The following VWC2L variants were observed in gnomAD, a reference collection of about 807,000 sequenced individuals.
VWC2L encodes von Willebrand factor C domain-containing protein 2-like.
In VWC2L, 10 loss-of-function variants were observed where a neutral mutation model predicts 21.6. That is an observed-to-expected ratio of 0.46 (90% CI 0.29 to 0.78). The LOEUF (loss-of-function observed/expected upper bound fraction) is 0.78. Ranked by LOEUF, VWC2L falls within the 30% of genes least tolerant of loss-of-function variation. The pLI, the probability that VWC2L is intolerant of heterozygous loss-of-function variation, is 0.10. For synonymous variants in VWC2L, 96 were observed against 94.3 expected (o/e 1.02, Z -0.10); for missense variants, 209 against 277.1 (o/e 0.75, Z 1.74).
chr2:214,560,885 A>T lies in VWC2L; in HGVS notation c.521-14787A>T, dbSNP rs554727219. Among the ~76,000 whole-genome samples, 5 of 152,352 alleles carry T rather than the reference A, an allele frequency of 3.3e-5. No individual in the cohort carries two copies. The East Asian group carries it at 9.6e-4, about 29-fold the overall frequency. On this transcript the variant is annotated intron_variant, in intron 3 of 3. Transcript: ENST00000312504. ...AGACTTGCAAGTAATTGAACCATTT[A>T]ACCACCATGTACTTGCTCAGAATTT... is the stretch of plus-strand genomic sequence containing the variant.
At chr2:214,425,250 T>A (rs1702504178) in intron 2 of VWC2L, among the ~76,000 whole-genome samples, 1 of 152,244 alleles carries the variant, frequency 6.6e-6, no homozygotes, top group African/African-American at 2.4e-5. Context: ...CTTGCACTCT[T>A]GAAGGTTACA....
chr2:214,535,759 G>T (rs2105918293), intron 3 of VWC2L, among the ~76,000 whole-genome samples: 1 of 151,184 alleles, frequency 6.6e-6, no homozygotes, highest in Non-Finnish European at 1.5e-5. Flanking sequence ...AAGTCAACAG[G>T]ATCATGATAG....
chr2:214,449,025 A>G (rs1389393554), intron 3 of VWC2L, among the ~76,000 whole-genome samples: 2 of 152,120 alleles, frequency 1.3e-5, no homozygotes, highest in Non-Finnish European at 2.9e-5. Flanking sequence ...TCTTCCCCAC[A>G]TTCCAACTAA....
At chr2:214,568,555 G>A (rs145989515) in intron 3 of VWC2L, among the ~76,000 whole-genome samples, 91 of 152,308 alleles carry the variant, frequency 6.0e-4, no homozygotes, top group South Asian at 3.1e-3. Context: ...GAGGAGCAAA[G>A]TCACATTTTA....
chr2:214,482,422 T>G (rs1688615394), intron 3 of VWC2L, among the ~76,000 whole-genome samples: 1 of 151,866 alleles, frequency 6.6e-6, no homozygotes, highest in Non-Finnish European at 1.5e-5. Flanking sequence ...GGAGAAAATT[T>G]TTTCTGTCTC....
At chr2:214,521,030 T>G (rs1009541267) in intron 3 of VWC2L, among the ~76,000 whole-genome samples, 1 of 151,778 alleles carries the variant, frequency 6.6e-6, no homozygotes, top group East Asian at 1.9e-4. Context: ...GAGACCATCC[T>G]GACTAACACG....
chr2:214,437,268 G>A (rs1441079072), intron 3 of VWC2L, among the ~76,000 whole-genome samples: 1 of 152,086 alleles, frequency 6.6e-6, no homozygotes, highest in Non-Finnish European at 1.5e-5. Flanking sequence ...AAAGTTTAGG[G>A]CCTTTATTGT....
At chr2:214,497,507 C>G (rs1376561301) in intron 3 of VWC2L, among the ~76,000 whole-genome samples, 1 of 152,158 alleles carries the variant, frequency 6.6e-6, no homozygotes, top group African/African-American at 2.4e-5. Flanking sequence ...AAGTATTATA[C>G]TCATTGCTGC....
intron 3 of VWC2L, among the ~76,000 whole-genome samples, chr2:214,526,729 G>GA (rs967237763): frequency 1.3e-5 from 2 of 152,126 alleles, no homozygotes; most frequent in African/African-American, 4.8e-5. Context: ...CTCTGATGAA[G>GA]AAAAAAGAAC....
intron 3 of VWC2L, among the ~76,000 whole-genome samples, chr2:214,563,018 T>A (rs948500168): frequency 3.9e-5 from 6 of 152,212 alleles, no homozygotes; most frequent in Non-Finnish European, 8.8e-5. Context: ...TATTTTGTCA[T>A]GAAATCTTTC....
intron 3 of VWC2L, among the ~76,000 whole-genome samples, chr2:214,483,151 C>G (rs1688629739): frequency 6.6e-6 from 1 of 152,238 alleles, no homozygotes; most frequent in Admixed American, 6.5e-5. Context: ...AACCTAAGTA[C>G]TTCAGTTGAA....
intron 3 of VWC2L, among the ~76,000 whole-genome samples, chr2:214,572,275 T>G (rs1690161194): frequency 6.6e-6 from 1 of 152,204 alleles, no homozygotes; most frequent in Non-Finnish European, 1.5e-5. Context: ...TCACCATTTT[T>G]TACATAATAA....
At chr2:214,574,467 G>A (rs530165630) in intron 3 of VWC2L, among the ~76,000 whole-genome samples, 120 of 152,194 alleles carry the variant, frequency 7.9e-4, no homozygotes, top group African/African-American at 2.7e-3. Flanking sequence ...AATATGAAGC[G>A]GAACTACACA....
At chr2:214,433,221 G>A (rs1422886674) in intron 2 of VWC2L, among the ~76,000 whole-genome samples, 17 of 143,098 alleles carry the variant, frequency 1.2e-4, no homozygotes, top group African/African-American at 3.1e-4. Context: ...ACATTTGACC[G>A]CTAATCCTAA....
intron 3 of VWC2L, among the ~76,000 whole-genome samples, chr2:214,550,932 C>CCTTCTTTCTT (rs1173365107): frequency 1.5e-4 from 23 of 152,152 alleles, no homozygotes; most frequent in Non-Finnish European, 2.9e-5. Context: ...GTAATCTTCA[C>CCTTCTTTCTT]CAGCCCTCTC....
At chr2:214,431,230 T>A (rs1028640583) in intron 2 of VWC2L, among the ~76,000 whole-genome samples, 6 of 152,086 alleles carry the variant, frequency 3.9e-5, no homozygotes, top group African/African-American at 1.4e-4. Flanking sequence ...TGAAATAGAG[T>A]CTTCCAAATT....
intron 3 of VWC2L, among the ~76,000 whole-genome samples, chr2:214,471,165 C>A (rs980826929): frequency 1.3e-5 from 2 of 152,024 alleles, no homozygotes; most frequent in Admixed American, 1.3e-4. Flanking sequence ...CCAGGTTTAC[C>A]CTGCTCTGAG....
At chr2:214,501,059 C>T (rs73989023) in intron 3 of VWC2L, among the ~76,000 whole-genome samples, 5,520 of 152,196 alleles carry the variant, frequency 0.036, 328 homozygotes, top group African/African-American at 0.13. Context: ...ATTTTAGTTA[C>T]TTATAGAGAC....
chr2:214,492,008 CT>C (rs1182890446), intron 3 of VWC2L, among the ~76,000 whole-genome samples: 2 of 152,110 alleles, frequency 1.3e-5, no homozygotes, highest in East Asian at 3.9e-4. Context: ...TGACACTTCA[CT>C]TTTTTTATGC....
Sources: gnomAD v4.1 joint callset for allele counts (sites outside exome capture counted in the v4.1 genomes callset) on GRCh38, gnomAD v4.1.1 for gene constraint, MANE v1.5 for transcripts, NCBI Gene and HGNC (gene_info 2026-07-23, HGNC 2026-07-21) for gene names.